Variants in CYFIP2 observed in about 807,000 individuals in gnomAD.
CYFIP2 encodes the protein cytoplasmic FMR1 interacting protein 2, also known as cytoplasmic FMR1-interacting protein 2.
Under a neutral mutation model 158.7 loss-of-function variants are expected in CYFIP2, and 29 were observed. The ratio of observed to expected loss-of-function variants is 0.18; its 90% CI spans 0.14 to 0.25. The LOEUF is 0.25. Ranked by LOEUF, CYFIP2 falls within the 10% of genes least tolerant of loss-of-function variation. The pLI, the probability that CYFIP2 is intolerant of heterozygous loss-of-function variation, is 1.00. For missense variants in CYFIP2, 852 were observed against 1,639.5 expected, an observed-to-expected ratio of 0.52 and a Z score of 8.29; for synonymous variants, 585 against 617.6, an observed-to-expected ratio of 0.95 and a Z score of 0.78.
intron 3 of CYFIP2, among the ~76,000 whole-genome samples, chr5:157,288,996 T>C (rs1366978138): frequency 6.6e-6 from 1 of 152,106 alleles, no homozygotes; most frequent in African/African-American, 2.4e-5. Context: ...TGTAAGGCAT[T>C]TTCATATATT....
At chr5:157,388,319 CA>C (rs1766901005) in intron 28 of CYFIP2, among the ~76,000 whole-genome samples, 1 of 152,172 alleles carries the variant, frequency 6.6e-6, no homozygotes, top group Non-Finnish European at 1.5e-5. Context: ...AGCCAGAACC[CA>C]GATGAAAAGC....
At chr5:157,298,979 C>A (rs1758484752) in intron 5 of CYFIP2, among the ~76,000 whole-genome samples, 1 of 152,104 alleles carries the variant, frequency 6.6e-6, no homozygotes, top group African/African-American at 2.4e-5. Flanking sequence ...AGTTGATGGA[C>A]ATTGGTTTAT....
intron 19 of CYFIP2, 36 bp downstream of exon 19, chr5:157,328,085 T>C: frequency 6.3e-7 from 1 of 1,576,416 alleles, no homozygotes; most frequent in Non-Finnish European, 8.7e-7. Flanking sequence ...AGCAATCTCT[T>C]AAGACTGCCA....
At chr5:157,281,463 C>T (rs973312619) in intron 1 of CYFIP2, among the ~76,000 whole-genome samples, 1 of 152,116 alleles carries the variant, frequency 6.6e-6, no homozygotes, top group Non-Finnish European at 1.5e-5. Context: ...TAAATGTTTG[C>T]TTTTATTTAC....
chr5:157,286,325 T>A (rs1258809554), intron 2 of CYFIP2, among the ~76,000 whole-genome samples: 2 of 150,774 alleles, frequency 1.3e-5, no homozygotes, highest in Non-Finnish European at 3.0e-5. Flanking sequence ...TATACCTTTT[T>A]TACCAAATAT....
intron 2 of CYFIP2, 80 bp downstream of exon 2, chr5:157,285,558 A>T: frequency 7.9e-7 from 1 of 1,268,532 alleles, no homozygotes; most frequent in Non-Finnish European, 1.1e-6. Context: ...AGGCAGAGGG[A>T]AGGGGAGGTC....
intron 4 of CYFIP2, among the ~76,000 whole-genome samples, 189 bp downstream of exon 4, chr5:157,295,049 C>T (rs1166398621): frequency 2.0e-5 from 3 of 152,168 alleles, no homozygotes; most frequent in Non-Finnish European, 2.9e-5. Flanking sequence ...GGACGCATGT[C>T]GAGGGACTTA....
At chr5:157,375,725 G>C (rs115086326) in intron 26 of CYFIP2, 81 of 151,324 alleles carry the variant, frequency 5.4e-4, no homozygotes, top group African/African-American at 1.9e-3. Context: ...GTATGGCCCA[G>C]GGAAGCCAAA....
At chr5:157,358,294 G>T (rs1763557926) in intron 23 of CYFIP2, among the ~76,000 whole-genome samples, 1 of 152,212 alleles carries the variant, frequency 6.6e-6, no homozygotes, top group Non-Finnish European at 1.5e-5. Context: ...GGACAATGGT[G>T]GTGGCCAGGT....
In CYFIP2 at chr5:157,361,422, C is replaced by G. The variant is rs1347639276; in HGVS notation, c.2909-46C>G. Reference sequence around the variant, plus strand: ...CAGTCATTGTTTCCCATAGACCCTACTGAGCAGTGTCAACTTCCCACTGAC... The same window carrying G: ...CAGTCATTGTTTCCCATAGACCCTAGTGAGCAGTGTCAACTTCCCACTGAC... On this transcript the variant is annotated intron_variant, in intron 25 of 30. Coordinates refer to ENST00000620254, the MANE Select transcript of CYFIP2 (RefSeq NM_001037333.3). This position sits in a 1 kb window ranked among gnomAD's most constrained non-coding sequence, Gnocchi z 4.4. 1.2e-6 allele frequency: 2 copies of G among 1,612,112 alleles called. No individual in the cohort carries two copies. Among genetic ancestry groups the G allele is most frequent in the East Asian group, 4.5e-5 (2 of 44,842 alleles).
intron 5 of CYFIP2, among the ~76,000 whole-genome samples, chr5:157,300,483 C>T (rs986612992): frequency 1.9e-4 from 29 of 150,760 alleles, no homozygotes; most frequent in Non-Finnish European, 3.7e-4. Context: ...TGCAGTGAGC[C>T]GAGATCGCAC....
chr5:157,379,668 CAAAAAAAAAAAAA>C (rs70984468), intron 26 of CYFIP2, among the ~76,000 whole-genome samples: 1 of 73,654 alleles, frequency 1.4e-5, no homozygotes, highest in Non-Finnish European at 2.4e-5. Flanking sequence ...GACCCTGTCT[CAAAAAAAAAAAAA>C]AAAAAAAAAA....
intron 3 of CYFIP2, among the ~76,000 whole-genome samples, chr5:157,294,531 A>G (rs944389229): frequency 1.3e-5 from 2 of 152,150 alleles, no homozygotes; most frequent in African/African-American, 4.8e-5. Flanking sequence ...TGTTTGGGAA[A>G]ATGTGGCCTG....
chr5:157,381,549 G>GAAAAT (rs1766090867), intron 26 of CYFIP2, among the ~76,000 whole-genome samples: 2 of 103,152 alleles, frequency 1.9e-5, no homozygotes, highest in African/African-American at 3.4e-5. Context: ...AAAAAAAAAG[G>GAAAAT]GGTGAGGGGG....
At chr5:157,377,911 G>T (rs967026916) in intron 26 of CYFIP2, among the ~76,000 whole-genome samples, 19 of 152,234 alleles carry the variant, frequency 1.2e-4, no homozygotes, top group African/African-American at 4.6e-4. Flanking sequence ...CAGCAGCTCA[G>T]ATTTCAGGAC....
intron 8 of CYFIP2, 125 bp from the exon 9 acceptor site, chr5:157,307,636 G>GGGGTGTGTGTGT (rs1554110252): frequency 2.7e-4 from 117 of 428,568 alleles, no homozygotes; most frequent in African/African-American, 2.3e-3. Context: ...GTCTCTACAG[G>GGGGTGTGTGTGT]GTGTGTGTGT....
intron 26 of CYFIP2, among the ~76,000 whole-genome samples, chr5:157,380,491 T>G (rs1765942467): frequency 6.6e-6 from 1 of 152,178 alleles, no homozygotes. Context: ...ACTGTCATAA[T>G]GTCCCCTGTT....
chr5:157,324,211 A>AAC (rs1760833435), intron 16 of CYFIP2, 137 bp downstream of exon 16: 1 of 1,053,460 alleles, frequency 9.5e-7, no homozygotes, highest in African/African-American at 1.6e-5. Context: ...CCAAGGAAAA[A>AAC]ACACATACAC....
At chr5:157,312,521 ACTAATCCC>A (rs1163450566) in intron 11 of CYFIP2, among the ~76,000 whole-genome samples, 2 of 152,328 alleles carry the variant, frequency 1.3e-5, no homozygotes, top group Admixed American at 1.3e-4. Context: ...TTTGATAAAC[ACTAATCCC>A]CTGACTCAGA....
Sources: gnomAD v4.1 joint callset for allele counts (sites outside exome capture counted in the v4.1 genomes callset) on GRCh38, gnomAD v4.1.1 for gene constraint, Gnocchi (gnomAD v3.1) non-coding constraint, MANE v1.5 for transcripts, NCBI Gene and HGNC (gene_info 2026-07-23, HGNC 2026-07-21) for gene names.